CAMKMT: variants seen among roughly 807,000 people sequenced by gnomAD.
CAMKMT encodes the protein calmodulin-lysine N-methyltransferase.
A neutral mutation model predicts 48.0 loss-of-function variants in CAMKMT; 53 were observed. The observed-to-expected ratio is 1.10, with a 90% confidence interval of 0.89 to 1.39. CAMKMT has a LOEUF of 1.39. Among genes scored for constraint, CAMKMT ranks in the 40% most tolerant of loss-of-function variants. The pLI is 0.00. For missense variants in CAMKMT, 428 were observed against 402.7 expected (o/e 1.06, Z -0.54); for synonymous variants, 165 against 152.3 (o/e 1.08, Z -0.61).
intron 3 of CAMKMT, among the ~76,000 whole-genome samples, chr2:44,603,390 C>A (rs1294177715): frequency 6.6e-6 from 1 of 152,104 alleles, no homozygotes; most frequent in Admixed American, 6.6e-5. Context: ...CAACTGGACC[C>A]CCAACCTATA....
At chr2:44,688,265 G>T (rs367748584) in intron 3 of CAMKMT, among the ~76,000 whole-genome samples, 1 of 152,104 alleles carries the variant, frequency 6.6e-6, no homozygotes, top group African/African-American at 2.4e-5. Context: ...AACAGAGCAA[G>T]ACCGCTGTGT....
chr2:44,414,834 A>G (rs1307832190), intron 3 of CAMKMT, among the ~76,000 whole-genome samples: 1 of 152,228 alleles, frequency 6.6e-6, no homozygotes, highest in Non-Finnish European at 1.5e-5. Context: ...CATTTAGATT[A>G]GTACAGCTAG....
Position 44,517,851 on chromosome 2 carries a change from C to G in CAMKMT, c.376+127546C>G, listed in dbSNP as rs72879369. ...TTCACTGACATGAATAATAAGGGGTCTTGTTTGACATTTAGCAGTTTAATT... is the reference window on the plus strand; with the variant it reads ...TTCACTGACATGAATAATAAGGGGTGTTGTTTGACATTTAGCAGTTTAATT... On this transcript the variant is annotated intron_variant, in intron 3 of 10. Coordinates refer to ENST00000378494, the MANE Select transcript of CAMKMT (RefSeq NM_024766.5). Among the ~76,000 whole-genome samples the G allele has an allele frequency of 4.5e-3, 682 of 152,260 alleles. 4 individuals carry two copies. Among genetic ancestry groups the G allele is most frequent in the African/African-American group, 0.016 (655 of 41,534 alleles).
intron 3 of CAMKMT, among the ~76,000 whole-genome samples, chr2:44,402,486 C>T (rs556501457): frequency 2.0e-5 from 3 of 152,028 alleles, no homozygotes; most frequent in African/African-American, 4.8e-5. Flanking sequence ...ATTGAATCTT[C>T]TGTTATTCCC....
chr2:44,438,689 TTTTTGTTTG>T (rs1339724824), intron 3 of CAMKMT, among the ~76,000 whole-genome samples: 3 of 152,104 alleles, frequency 2.0e-5, no homozygotes, highest in South Asian at 4.1e-4. Context: ...AGGTGTGTGT[TTTTTGTTTG>T]TTTGTTTTGT....
chr2:44,382,755 A>G (rs1012906446), intron 2 of CAMKMT, among the ~76,000 whole-genome samples: 1 of 152,228 alleles, frequency 6.6e-6, no homozygotes, highest in African/African-American at 2.4e-5. Context: ...CTGGGATTAC[A>G]GGCGTGAGCC....
chr2:44,554,913 G>A (rs1487136810), intron 3 of CAMKMT, among the ~76,000 whole-genome samples: 1 of 152,062 alleles, frequency 6.6e-6, no homozygotes, highest in East Asian at 1.9e-4. Flanking sequence ...TACTGCATTA[G>A]GATCTGTTAA....
chr2:44,383,064 A>T (rs1479101294), intron 2 of CAMKMT, among the ~76,000 whole-genome samples: 1 of 150,186 alleles, frequency 6.7e-6, no homozygotes, highest in Non-Finnish European at 1.5e-5. Context: ...CCGCCCTCAC[A>T]CTGCCTTTTC....
intron 3 of CAMKMT, among the ~76,000 whole-genome samples, chr2:44,520,641 T>C (rs1209415962): frequency 6.6e-6 from 1 of 152,222 alleles, no homozygotes; most frequent in Admixed American, 6.5e-5. Context: ...ACTGACTCTA[T>C]TAGTTATTAG....
rs112461317 is a variant in CAMKMT at position 44,488,729 on chromosome 2, A to G, written c.376+98424A>G. ...TCAAACAAAAAAAAAACTCACCCCA[A>G]AAAACCCAAACTTATTTGTAAAGTG... On this transcript the variant is annotated intron_variant, in intron 3 of 10. Coordinates refer to ENST00000378494, the MANE Select transcript of CAMKMT (RefSeq NM_024766.5). Among the ~76,000 whole-genome samples the G allele has an allele frequency of 6.6e-3, 999 of 152,126 alleles. 7 individuals carry two copies. The highest frequency in any genetic ancestry group is 0.027 in the Middle Eastern group (8 of 294).
At chr2:44,699,214 T>A (rs1481470724) in intron 3 of CAMKMT, among the ~76,000 whole-genome samples, 3 of 152,242 alleles carry the variant, frequency 2.0e-5, no homozygotes, top group African/African-American at 7.2e-5. Flanking sequence ...CCAGAAGATT[T>A]TCAACTGACT....
In CAMKMT at chr2:44,396,208, G is replaced by C. The variant is rs142812863; in HGVS notation, c.376+5903G>C. Among the ~76,000 whole-genome samples, 5 of 152,108 alleles carry C rather than the reference G, an allele frequency of 3.3e-5. No individual in the cohort carries two copies. The East Asian group carries it at 9.6e-4, about 29-fold the overall frequency. ...ATTTTAATATATTGAAATCAAGAAG[G>C]TCCTTCTAAGTGCGAGTCAAACACC... On this transcript the variant is annotated intron_variant, in intron 3 of 10. Transcript: ENST00000378494.
intron 2 of CAMKMT, among the ~76,000 whole-genome samples, chr2:44,380,959 AG>A (rs1680180375): frequency 6.6e-6 from 1 of 152,164 alleles, no homozygotes; most frequent in South Asian, 2.1e-4. Context: ...CAGGAGTTTG[AG>A]ACCAGCCTGG....
At chr2:44,655,272 C>A (rs1422916821) in intron 3 of CAMKMT, among the ~76,000 whole-genome samples, 2 of 152,086 alleles carry the variant, frequency 1.3e-5, no homozygotes, top group Non-Finnish European at 2.9e-5. Flanking sequence ...GATAAGCTCC[C>A]AAATGCATTG....
chr2:44,577,532 T>A (rs1669290337), intron 3 of CAMKMT, among the ~76,000 whole-genome samples: 1 of 151,778 alleles, frequency 6.6e-6, no homozygotes, highest in South Asian at 2.1e-4. Context: ...GATGGGAGGA[T>A]CATCTGAGTC....
At chr2:44,753,111 AC>A (rs1157281730) in intron 8 of CAMKMT, among the ~76,000 whole-genome samples, 2 of 152,042 alleles carry the variant, frequency 1.3e-5, no homozygotes, top group African/African-American at 4.8e-5. Flanking sequence ...ATCAAAATGA[AC>A]TATAAAAACA....
intron 3 of CAMKMT, among the ~76,000 whole-genome samples, chr2:44,681,226 A>C (rs1323148030): frequency 6.6e-6 from 1 of 152,192 alleles, no homozygotes; most frequent in Admixed American, 6.5e-5. Flanking sequence ...CAGTAAGCAT[A>C]TGCTTCAGTT....
intron 3 of CAMKMT, among the ~76,000 whole-genome samples, chr2:44,553,337 T>A (rs770525961): frequency 2.8e-4 from 42 of 151,390 alleles, no homozygotes; most frequent in Non-Finnish European, 7.4e-5. Flanking sequence ...TAAGAGGATA[T>A]GACATCTTTT....
rs917925273 is a variant in CAMKMT, at chr2:44,417,319, C to T, written c.376+27014C>T. ...CTGAGGCAGGAGAATTGCTTGAATC[C>T]GGGAGGCAGAGGTTGCAGTGAGGTG... On this transcript the variant is annotated intron_variant, in intron 3 of 10. Coordinates refer to ENST00000378494, the MANE Select transcript of CAMKMT (RefSeq NM_024766.5). Among the ~76,000 whole-genome samples the T allele has an allele frequency of 5.9e-5, 9 of 152,098 alleles. No individual in the cohort carries two copies. The South Asian group carries it at 6.2e-4, about 11-fold the overall frequency.
Sources: gnomAD v4.1 joint callset for allele counts (sites outside exome capture counted in the v4.1 genomes callset) on GRCh38, gnomAD v4.1.1 for gene constraint, MANE v1.5 for transcripts, NCBI Gene and HGNC (gene_info 2026-07-23, HGNC 2026-07-21) for gene names.